NEK1: variants seen among roughly 807,000 people sequenced by gnomAD.
The protein encoded by NEK1 is NIMA related kinase 1.
In NEK1, 137 loss-of-function variants were observed where a neutral mutation model predicts 182.1. The observed-to-expected ratio is 0.75, with a 90% confidence interval of 0.65 to 0.87. The LOEUF (loss-of-function observed/expected upper bound fraction) is 0.87, where lower values mean the gene tolerates loss of function less well. Among genes scored for constraint, NEK1 ranks in the 40% least tolerant of loss-of-function variants. NEK1 has a pLI of 0.00. For synonymous variants in NEK1, 513 were observed against 492.2 expected (o/e 1.04, Z -0.56); for missense variants, 1,391 against 1,494.4 (o/e 0.93, Z 1.14).
intron 16 of NEK1, 51 bp downstream of exon 16, chr4:169,561,429 G>A: frequency 2.0e-6 from 3 of 1,471,588 alleles, no homozygotes; most frequent in Non-Finnish European, 2.9e-6. Flanking sequence ...AGAACAAGGT[G>A]GAACTGGAGG....
At chr4:169,482,053 C>A (rs1748131865) in intron 23 of NEK1, among the ~76,000 whole-genome samples, 1 of 152,218 alleles carries the variant, frequency 6.6e-6, no homozygotes, top group Non-Finnish European at 1.5e-5. Flanking sequence ...CTTTACCTTG[C>A]ACTTTCATGT....
intron 18 of NEK1, among the ~76,000 whole-genome samples, chr4:169,546,189 G>C (rs11729737): frequency 0.089 from 13,467 of 152,132 alleles, 779 homozygotes; most frequent in African/African-American, 0.16. Flanking sequence ...TTGTGTCTTT[G>C]TTCTCATTGG....
chr4:169,589,801 G>A (rs1451984574), intron 6 of NEK1, among the ~76,000 whole-genome samples: 3 of 151,936 alleles, frequency 2.0e-5, no homozygotes, highest in Non-Finnish European at 4.4e-5. Flanking sequence ...TAGATATGAC[G>A]TCAAAAGCAC....
intron 22 of NEK1, 47 bp from the exon 23 acceptor site, chr4:169,507,179 A>G (rs1457731491): frequency 2.0e-6 from 2 of 985,056 alleles, no homozygotes; most frequent in African/African-American, 1.9e-5. Flanking sequence ...AAAGAAGGGC[A>G]GAGGTTTTTT....
intron 23 of NEK1, among the ~76,000 whole-genome samples, chr4:169,496,906 A>G (rs984338089): frequency 6.6e-6 from 1 of 152,138 alleles, no homozygotes; most frequent in Non-Finnish European, 1.5e-5. Flanking sequence ...TATCAGGATG[A>G]TGTTGGCCTC....
At chr4:169,475,071 T>C (rs1376201722) in intron 26 of NEK1, among the ~76,000 whole-genome samples, 1 of 152,112 alleles carries the variant, frequency 6.6e-6, no homozygotes, top group Admixed American at 6.6e-5. Context: ...ATCCCTATGA[T>C]TGCCCAGCCT....
intron 18 of NEK1, among the ~76,000 whole-genome samples, chr4:169,547,630 C>T (rs760916362): frequency 2.4e-4 from 37 of 152,172 alleles, no homozygotes; most frequent in South Asian, 6.2e-4. Context: ...TAGATTTGGT[C>T]TTTTCGCATA....
At chr4:169,433,899 G>GT (rs1737892979) in intron 28 of NEK1, among the ~76,000 whole-genome samples, 2 of 151,932 alleles carry the variant, frequency 1.3e-5, no homozygotes, top group Admixed American at 1.3e-4. Flanking sequence ...AATGCTCAAA[G>GT]GTAATATGGT....
At chr4:169,538,842 G>A (rs1360603566) in intron 18 of NEK1, among the ~76,000 whole-genome samples, 1 of 152,096 alleles carries the variant, frequency 6.6e-6, no homozygotes, top group Non-Finnish European at 1.5e-5. Context: ...CTCCTAGTAA[G>A]ATTTGAGCAC....
At chr4:169,452,310 G>C (rs901710433) in intron 27 of NEK1, among the ~76,000 whole-genome samples, 2 of 152,086 alleles carry the variant, frequency 1.3e-5, no homozygotes, top group Non-Finnish European at 2.9e-5. Flanking sequence ...CCTCCCTAAC[G>C]CATTTTATGA....
At chr4:169,575,557 G>T (rs1765552434) in intron 12 of NEK1, among the ~76,000 whole-genome samples, 1 of 152,146 alleles carries the variant, frequency 6.6e-6, no homozygotes, top group Admixed American at 6.5e-5. Flanking sequence ...AATTCTGCTG[G>T]TGCCTCAGCC....
intron 23 of NEK1, chr4:169,506,829 CA>C (rs747542191): frequency 0.1 from 31,006 of 296,396 alleles, 1,817 homozygotes; most frequent in East Asian, 0.15. Flanking sequence ...ATCAATCTCC[CA>C]AATAACTTCC....
Position 169,576,867 on chromosome 4 carries a change from T to C in NEK1, c.1020+61A>G, listed in dbSNP as rs1424173236. 11 of 1,410,202 alleles carry C rather than the reference T, an allele frequency of 7.8e-6. No individual in the cohort carries two copies. The Admixed American group carries it at 2.2e-4, about 28-fold the overall frequency. The allele number at this position is 1,410,202 out of a possible 1,614,324, so 87.4% of individuals were successfully genotyped here. A position where few individuals can be genotyped will look rare whatever the true frequency, so the allele number is the denominator to read the frequency against. ...TAATATCAAGGTAACTGAATTGAGC[T>C]GCAATGAAATAAGGTTGAATTGAAT... On this transcript the variant is annotated intron_variant, in intron 12 of 35. Coordinates refer to ENST00000507142, the MANE Select transcript of NEK1 (RefSeq NM_001199397.3).
intron 16 of NEK1, among the ~76,000 whole-genome samples, chr4:169,557,615 T>C (rs1170402322): frequency 1.3e-5 from 2 of 151,988 alleles, no homozygotes; most frequent in African/African-American, 4.8e-5. Context: ...GGTGATAACA[T>C]CTTAAGGAAA....
At chr4:169,574,168 G>C (rs138828049) in intron 12 of NEK1, among the ~76,000 whole-genome samples, 31 of 151,998 alleles carry the variant, frequency 2.0e-4, no homozygotes, top group African/African-American at 7.2e-4. Context: ...AAAAAGAAAA[G>C]AAAAGAGAAA....
At chr4:169,577,568 C>T (rs1765904945) in intron 11 of NEK1, among the ~76,000 whole-genome samples, 1 of 151,746 alleles carries the variant, frequency 6.6e-6, no homozygotes, top group Non-Finnish European at 1.5e-5. Flanking sequence ...GAGATCTAGA[C>T]CATGGTGAAA....
At chr4:169,570,323 C>A (rs1466942631) in intron 12 of NEK1, among the ~76,000 whole-genome samples, 1 of 151,538 alleles carries the variant, frequency 6.6e-6, no homozygotes, top group Non-Finnish European at 1.5e-5. Flanking sequence ...AAGTGAGGAG[C>A]GTCTCCGCCC....
At chr4:169,562,223 A>G in intron 12 of NEK1, 27 bp from the exon 13 acceptor site, 1 of 1,475,072 alleles carries the variant, frequency 6.8e-7, no homozygotes, top group Non-Finnish European at 9.1e-7. Flanking sequence ...ACTACAAATT[A>G]AATAAAGATT....
intron 23 of NEK1, among the ~76,000 whole-genome samples, chr4:169,495,300 G>C (rs1308822250): frequency 7.0e-6 from 1 of 142,742 alleles, no homozygotes; most frequent in Non-Finnish European, 1.5e-5. Flanking sequence ...CTGGAGTGCA[G>C]TGGCGCGATC....
Sources: allele counts gnomAD v4.1 joint callset (sites outside exome capture counted in the v4.1 genomes callset), GRCh38; gene constraint gnomAD v4.1.1; transcripts MANE v1.5; gene names NCBI Gene and HGNC (gene_info 2026-07-23, HGNC 2026-07-21).